The following NOX4 variants were observed in gnomAD, a reference collection of about 807,000 sequenced individuals.
NOX4 encodes kidney oxidase-1.
A neutral mutation model predicts 87.6 loss-of-function variants in NOX4; 69 were observed. The ratio of observed to expected loss-of-function variants is 0.79; its 90% CI spans 0.65 to 0.96. NOX4 has a LOEUF of 0.96. Ranked by LOEUF, NOX4 falls within the 40% of genes least tolerant of loss-of-function variation. NOX4 has a pLI of 0.00. For missense variants in NOX4, 680 were observed against 681.5 expected (o/e 1.00, Z 0.02); for synonymous variants, 275 against 238.2 (o/e 1.15, Z -1.42).
chr11:89,436,744 A>G (rs1230303759), intron 6 of NOX4, among the ~76,000 whole-genome samples: 2 of 152,124 alleles, frequency 1.3e-5, no homozygotes, highest in East Asian at 3.9e-4. Flanking sequence ...AATTAAAGTT[A>G]GATATTATCC....
At chr11:89,549,659 G>T in the NOX4 span, among the ~76,000 whole-genome samples, 1 of 152,018 alleles carries the variant, frequency 6.6e-6, no homozygotes, top group South Asian at 2.1e-4. Flanking sequence ...TCCCCAAACA[G>T]GCCCCAGTGT....
At position 89,474,784 on chromosome 11, in the gene NOX4, A is replaced by G. The variant is rs76561251; in HGVS notation, c.153+15674T>C. Reference sequence around the variant, plus strand: ...CAGTGTTTAATATACAGAATCAGGTATTTCTTTTGACATTTAATATATTTT... The same window carrying G: ...CAGTGTTTAATATACAGAATCAGGTGTTTCTTTTGACATTTAATATATTTT... On this transcript the variant is annotated intron_variant, in intron 2 of 17. Coordinates refer to ENST00000263317, the MANE Select transcript of NOX4 (RefSeq NM_016931.5). Among the ~76,000 whole-genome samples, 328 of 152,054 alleles carry G rather than the reference A, an allele frequency of 2.2e-3. 1 individual carries two copies. The highest frequency in any genetic ancestry group is 3.6e-3 in the Non-Finnish European group (242 of 67,892).
the NOX4 span, among the ~76,000 whole-genome samples, chr11:89,544,321 G>T: frequency 2.6e-5 from 4 of 151,978 alleles, no homozygotes; most frequent in African/African-American, 9.7e-5. Context: ...TTTATTGCCT[G>T]CATTCCCTCC....
the NOX4 span, among the ~76,000 whole-genome samples, chr11:89,536,633 C>T: frequency 6.6e-6 from 1 of 152,276 alleles, no homozygotes; most frequent in African/African-American, 2.4e-5. Flanking sequence ...ATTATTAACA[C>T]TACTTCCATT....
chr11:89,361,451 G>A (rs578198109), intron 12 of NOX4, among the ~76,000 whole-genome samples: 1 of 152,096 alleles, frequency 6.6e-6, no homozygotes, highest in East Asian at 1.9e-4. Context: ...TAAGAACTCT[G>A]GAGCGGGAAT....
At chr11:89,391,833 G>A (rs1941149654) in intron 11 of NOX4, among the ~76,000 whole-genome samples, 1 of 151,588 alleles carries the variant, frequency 6.6e-6, no homozygotes, top group Admixed American at 6.6e-5. Flanking sequence ...TAGGCACTAT[G>A]CACTTTAAAA....
chr11:89,566,177 G>C, the NOX4 span, among the ~76,000 whole-genome samples: 1 of 151,798 alleles, frequency 6.6e-6, no homozygotes, highest in African/African-American at 2.4e-5. Context: ...TGAGTAGCTG[G>C]GACTACAGGC....
chr11:89,504,892 T>C, the NOX4 span, among the ~76,000 whole-genome samples: 1 of 152,048 alleles, frequency 6.6e-6, no homozygotes, highest in South Asian at 2.1e-4. Flanking sequence ...AATTCCCTTG[T>C]CTCACCTCCG....
intron 2 of NOX4, among the ~76,000 whole-genome samples, chr11:89,476,663 T>C (rs1946180964): frequency 6.6e-6 from 1 of 152,206 alleles, no homozygotes; most frequent in Non-Finnish European, 1.5e-5. Flanking sequence ...ATTACAACAG[T>C]ATCCTTTATA....
At chr11:89,444,336 C>T in intron 4 of NOX4, 104 bp from the exon 5 acceptor site, 1 of 834,136 alleles carries the variant, frequency 1.2e-6, no homozygotes, top group Non-Finnish European at 2.0e-6. Context: ...CAAACTTTGA[C>T]AGCTATGTGG....
At chr11:89,437,088 C>T (rs1346084030) in intron 6 of NOX4, among the ~76,000 whole-genome samples, 4 of 152,014 alleles carry the variant, frequency 2.6e-5, no homozygotes, top group Admixed American at 6.6e-5. Flanking sequence ...ATCAGCTGGG[C>T]GCAGTGGCTC....
chr11:89,356,534 T>C (rs1643055569), intron 12 of NOX4, among the ~76,000 whole-genome samples: 1 of 152,140 alleles, frequency 6.6e-6, no homozygotes, highest in Non-Finnish European at 1.5e-5. Context: ...GGAATAGGTA[T>C]GCATTACCTC....
intron 2 of NOX4, 88 bp from the exon 3 acceptor site, chr11:89,451,983 G>A: frequency 1.2e-6 from 1 of 817,300 alleles, no homozygotes; most frequent in East Asian, 2.6e-5. Flanking sequence ...TCACCCTATT[G>A]CTCTTTTAAG....
At chr11:89,554,544 A>G in the NOX4 span, among the ~76,000 whole-genome samples, 2 of 152,130 alleles carry the variant, frequency 1.3e-5, no homozygotes, top group Admixed American at 1.3e-4. Context: ...AATCCCCAGA[A>G]TTTTAGATAT....
chr11:89,424,683 T>G (rs549555119), intron 7 of NOX4, among the ~76,000 whole-genome samples: 1 of 151,992 alleles, frequency 6.6e-6, no homozygotes, highest in Non-Finnish European at 1.5e-5. Context: ...CATTTTAAAA[T>G]CAATTGAGAT....
the NOX4 span, among the ~76,000 whole-genome samples, chr11:89,557,890 A>G: frequency 6.6e-6 from 1 of 152,192 alleles, no homozygotes; most frequent in Non-Finnish European, 1.5e-5. Flanking sequence ...AAGGGCAAGG[A>G]AATCCAACTT....
At position 89,336,968 on chromosome 11, in the gene NOX4, A is replaced by C. The variant is rs1488933485; in HGVS notation, c.1515+479T>G. Among the ~76,000 whole-genome samples the C allele has an allele frequency of 2.0e-5, 3 of 152,208 alleles. No individual in the cohort carries two copies. In the South Asian group the frequency reaches 6.2e-4, roughly 31 times the overall value. ...TAGTTTCATCACTTGCAAAATGGGAATAACATTTACTGCTTGACTCTGTTT... is the reference window on the plus strand; with the variant it reads ...TAGTTTCATCACTTGCAAAATGGGACTAACATTTACTGCTTGACTCTGTTT... On this transcript the variant is annotated intron_variant, in intron 16 of 17. Coordinates refer to ENST00000263317, the MANE Select transcript of NOX4 (RefSeq NM_016931.5).
the NOX4 span, among the ~76,000 whole-genome samples, chr11:89,504,978 G>C: frequency 6.6e-6 from 1 of 151,848 alleles, no homozygotes; most frequent in African/African-American, 2.4e-5. Context: ...GCTGGGTTTT[G>C]GTTGCCACCT....
At chr11:89,489,737 AAAAGAAAG>A (rs1302761387) in intron 2 of NOX4, among the ~76,000 whole-genome samples, 6 of 149,124 alleles carry the variant, frequency 4.0e-5, no homozygotes, top group Admixed American at 1.3e-4. Context: ...CAAAAAAAAA[AAAAGAAAG>A]AAAGAAAGAA....
Sources: allele counts gnomAD v4.1 joint callset (sites outside exome capture counted in the v4.1 genomes callset), GRCh38; gene constraint gnomAD v4.1.1; transcripts MANE v1.5; gene names NCBI Gene and HGNC (gene_info 2026-07-23, HGNC 2026-07-21).